PTPRN2: variants seen among roughly 807,000 people sequenced by gnomAD.
PTPRN2 encodes the protein receptor-type tyrosine-protein phosphatase N2.
In PTPRN2, 74 loss-of-function variants were observed where a neutral mutation model predicts 118.8. That is an observed-to-expected ratio of 0.62 (90% confidence interval 0.52 to 0.76). The LOEUF (loss-of-function observed/expected upper bound fraction) is 0.76, where lower values mean the gene tolerates loss of function less well. Ranked by LOEUF, PTPRN2 falls within the 30% of genes least tolerant of loss-of-function variation. The probability of loss-of-function intolerance (pLI) is 0.00; values close to 1 mark genes in which losing one functional copy is unlikely to be tolerated. For missense variants in PTPRN2, 1,481 were observed against 1,394.4 expected, an observed-to-expected ratio of 1.06 and a Z score of -0.99; for synonymous variants, 641 against 608.0, an observed-to-expected ratio of 1.05 and a Z score of -0.80.
chr7:158,334,426 A>C (rs1488770101), intron 2 of PTPRN2, among the ~76,000 whole-genome samples: 4 of 64,366 alleles, frequency 6.2e-5, no homozygotes, highest in African/African-American at 1.2e-4. Flanking sequence ...TGCAGACGTC[A>C]CTCACACCCA....
chr7:158,472,488 T>C (rs1218096334), intron 2 of PTPRN2, among the ~76,000 whole-genome samples: 25 of 152,234 alleles, frequency 1.6e-4, no homozygotes, highest in Admixed American at 1.6e-3. Flanking sequence ...AGTGCACTAT[T>C]ATTACTTTAC....
At chr7:158,337,088 C>G (rs1396938996) in intron 2 of PTPRN2, among the ~76,000 whole-genome samples, 1 of 151,518 alleles carries the variant, frequency 6.6e-6, no homozygotes, top group South Asian at 2.1e-4. Context: ...AGACGTCACT[C>G]ACACCCACAC....
rs1554548950 is a variant in PTPRN2, at chr7:158,129,374, A to AAACAACACACACCACACACT, written c.1556+4283_1556+4302dup. On this transcript the variant is annotated intron_variant, in intron 9 of 22. Coordinates refer to ENST00000389418, the MANE Select transcript of PTPRN2 (RefSeq NM_002847.5). ...ACACACCACACAGCACACCACACAC[A>AAACAACACACACCACACACT]AACAACACACACCACACACTACACA... Among the ~76,000 whole-genome samples the AAACAACACACACCACACACT allele has an allele frequency of 1.0e-3, 154 of 150,242 alleles. 1 individual carries two copies. In the East Asian group the frequency reaches 0.027, roughly 26 times the overall value.
intron 15 of PTPRN2, among the ~76,000 whole-genome samples, chr7:157,614,828 G>A (rs1802652175): frequency 6.6e-6 from 1 of 152,210 alleles, no homozygotes; most frequent in African/African-American, 2.4e-5. Context: ...CCTCGGACAC[G>A]GCCAGCCCTG....
chr7:158,184,573 A>G (rs1464476435), intron 5 of PTPRN2, among the ~76,000 whole-genome samples: 5 of 152,304 alleles, frequency 3.3e-5, no homozygotes, highest in South Asian at 2.1e-4. Context: ...AAGATCTTCA[A>G]TGTGACAGGC....
Position 158,297,648 on chromosome 7 carries a change from T to C in PTPRN2, c.277+19171A>G, listed in dbSNP as rs973104631. On this transcript the variant is annotated intron_variant, in intron 3 of 22. Coordinates refer to ENST00000389418, the MANE Select transcript of PTPRN2 (RefSeq NM_002847.5). ...AATATGGACTTAGTAAAAAATATAA[T>C]CAGGTTTCTTGTAAAACAGAGAATG... 3.3e-5 allele frequency among the ~76,000 whole-genome samples: 5 copies of C among 152,192 alleles called. No individual in the cohort carries two copies. In the South Asian group the frequency reaches 6.2e-4, roughly 19 times the overall value.
intron 1 of PTPRN2, among the ~76,000 whole-genome samples, chr7:158,504,696 C>T (rs1822618940): frequency 6.6e-6 from 1 of 152,190 alleles, no homozygotes. Flanking sequence ...GTGAACAATT[C>T]CCTGTCCTTA....
chr7:158,558,757 TAAAAA>T (rs769102456), intron 1 of PTPRN2, among the ~76,000 whole-genome samples: 8 of 59,770 alleles, frequency 1.3e-4, no homozygotes, highest in Non-Finnish European at 2.0e-4. Flanking sequence ...AGTGCTAGAC[TAAAAA>T]AAAAAAAAAA....
At chr7:158,012,056 C>G (rs4716878) in intron 11 of PTPRN2, among the ~76,000 whole-genome samples, 119,725 of 152,138 alleles carry the variant, frequency 0.79, 47,139 homozygotes, top group East Asian at 0.82. Flanking sequence ...ATGAAGCTGC[C>G]CCGATCCCGA....
chr7:157,914,329 A>G (rs1798274859), intron 11 of PTPRN2, among the ~76,000 whole-genome samples: 1 of 152,220 alleles, frequency 6.6e-6, no homozygotes, highest in South Asian at 2.1e-4. Flanking sequence ...GGCTTCTGGA[A>G]TCTGAGTACT....
intron 11 of PTPRN2, among the ~76,000 whole-genome samples, chr7:157,985,569 T>C (rs1036373): frequency 0.84 from 128,575 of 152,236 alleles, 54,475 homozygotes; most frequent in African/African-American, 0.9. Flanking sequence ...GATGAAAATG[T>C]AGTTATACCA....
intron 1 of PTPRN2, among the ~76,000 whole-genome samples, chr7:158,531,217 C>T (rs77451214): frequency 5.9e-5 from 9 of 152,296 alleles, no homozygotes; most frequent in African/African-American, 2.2e-4. Context: ...GACACATCAC[C>T]CTACAGCGCT....
chr7:158,356,915 G>A (rs1303638042), intron 2 of PTPRN2, among the ~76,000 whole-genome samples: 1 of 152,108 alleles, frequency 6.6e-6, no homozygotes, highest in Non-Finnish European at 1.5e-5. Context: ...GATCATCATC[G>A]AAACTGTGGC....
chr7:158,351,286 G>A (rs1269469373), intron 2 of PTPRN2, among the ~76,000 whole-genome samples: 2 of 152,166 alleles, frequency 1.3e-5, no homozygotes, highest in Non-Finnish European at 2.9e-5. Context: ...ATTGGCCACT[G>A]CACACTATTC....
rs1343884902 is a variant in PTPRN2, at chr7:158,171,310, T to TACATATAC, written c.550-4020_550-4019insGTATATGT. On this transcript the variant is annotated intron_variant, in intron 5 of 22. Transcript: ENST00000389418. ...ATATACACACATATATATACACACA[T>TACATATAC]ATATATATATATATATATATATATA... Among the ~76,000 whole-genome samples the TACATATAC allele has an allele frequency of 2.7e-4, 18 of 67,638 alleles. 1 individual carries two copies. Among genetic ancestry groups the TACATATAC allele is most frequent in the Admixed American group, 2.6e-3 (17 of 6,420 alleles). 44.4% of individuals were successfully genotyped at this position (67,638 alleles called of 152,430 possible).
intron 12 of PTPRN2, among the ~76,000 whole-genome samples, chr7:157,697,734 G>A (rs1470394622): frequency 4.9e-4 from 60 of 122,252 alleles, no homozygotes; most frequent in Admixed American, 6.7e-4. Context: ...ACTGGATCTT[G>A]GCAGAGCCCT....
At chr7:157,960,110 C>T (rs1341533457) in intron 11 of PTPRN2, among the ~76,000 whole-genome samples, 1 of 149,142 alleles carries the variant, frequency 6.7e-6, no homozygotes, top group Non-Finnish European at 1.5e-5. Flanking sequence ...TCCCACTTCT[C>T]TGAGGTCCCT....
intron 12 of PTPRN2, among the ~76,000 whole-genome samples, chr7:157,698,830 G>A (rs558053163): frequency 1.1e-3 from 175 of 152,228 alleles, no homozygotes; most frequent in Non-Finnish European, 2.0e-3. Flanking sequence ...GTTCAGTATA[G>A]TATATATATT....
At chr7:157,667,334 C>T (rs1310774425) in intron 13 of PTPRN2, among the ~76,000 whole-genome samples, 3 of 149,380 alleles carry the variant, frequency 2.0e-5, no homozygotes, top group Admixed American at 6.6e-5. Flanking sequence ...CTTGCACACT[C>T]GGCCCGTGGG....
Sources: gnomAD v4.1 joint callset for allele counts (sites outside exome capture counted in the v4.1 genomes callset) on GRCh38, gnomAD v4.1.1 for gene constraint, MANE v1.5 for transcripts, NCBI Gene and HGNC (gene_info 2026-07-23, HGNC 2026-07-21) for gene names.